ROBO1: variants seen among roughly 807,000 people sequenced by gnomAD.
ROBO1 encodes roundabout guidance receptor 1.
Under a neutral mutation model 195.9 loss-of-function variants are expected in ROBO1, and 149 were observed. The observed-to-expected ratio is 0.76, with a 90% CI of 0.67 to 0.87. The LOEUF (loss-of-function observed/expected upper bound fraction) is 0.87, where lower values mean the gene tolerates loss of function less well. Ranked by LOEUF, ROBO1 falls within the 40% of genes least tolerant of loss-of-function variation. The pLI is 0.00. For missense variants in ROBO1, 1,933 were observed against 2,068.3 expected (o/e 0.93, Z 1.27); for synonymous variants, 816 against 733.2 (o/e 1.11, Z -1.82).
chr3:78,604,065 T>G, intron 29 of ROBO1, among the ~76,000 whole-genome samples: 1 of 151,770 alleles, frequency 6.6e-6, no homozygotes, highest in Admixed American at 6.6e-5. Flanking sequence ...AATATTTATT[T>G]ATTTATTTAT....
intron 2 of ROBO1, among the ~76,000 whole-genome samples, chr3:79,139,695 T>A (rs545349577): frequency 9.2e-5 from 14 of 152,312 alleles, no homozygotes; most frequent in African/African-American, 3.1e-4. Flanking sequence ...TTGAACTTTA[T>A]CTGTGAGAGT....
intron 2 of ROBO1, among the ~76,000 whole-genome samples, chr3:79,269,990 G>A (rs2030372751): frequency 6.6e-6 from 1 of 151,776 alleles, no homozygotes. Flanking sequence ...ATCACTTGCA[G>A]TAAAGATGGT....
At chr3:79,710,610 C>T (rs1359768343) in intron 1 of ROBO1, among the ~76,000 whole-genome samples, 1 of 152,090 alleles carries the variant, frequency 6.6e-6, no homozygotes, top group Admixed American at 6.6e-5. Flanking sequence ...AGGTTTGAGA[C>T]AGCATAATAA....
At chr3:78,748,634 C>T (rs1482125196) in intron 4 of ROBO1, among the ~76,000 whole-genome samples, 1 of 152,002 alleles carries the variant, frequency 6.6e-6, no homozygotes, top group Non-Finnish European at 1.5e-5. Context: ...TCAAAAATCA[C>T]TCTTAAACTT....
chr3:78,943,526 T>C (rs2040254701), intron 3 of ROBO1, among the ~76,000 whole-genome samples: 1 of 152,212 alleles, frequency 6.6e-6, no homozygotes, highest in South Asian at 2.1e-4. Flanking sequence ...AAAGGCTCTA[T>C]GGAATATTCT....
chr3:79,445,973 T>A (rs2039241414), intron 2 of ROBO1, among the ~76,000 whole-genome samples: 1 of 151,900 alleles, frequency 6.6e-6, no homozygotes, highest in Non-Finnish European at 1.5e-5. Flanking sequence ...ATGTTTAAAC[T>A]TTTTCATAGA....
At chr3:78,778,831 T>TGGAG (rs1559846633) in intron 4 of ROBO1, among the ~76,000 whole-genome samples, 1 of 152,168 alleles carries the variant, frequency 6.6e-6, no homozygotes, top group East Asian at 1.9e-4. Flanking sequence ...AGAACAAAGC[T>TGGAG]GGAGGCATCA....
intron 2 of ROBO1, among the ~76,000 whole-genome samples, chr3:79,479,074 CT>C (rs1938692945): frequency 6.6e-6 from 1 of 152,190 alleles, no homozygotes; most frequent in Non-Finnish European, 1.5e-5. Flanking sequence ...TATTATTCCC[CT>C]TTTTAGCATA....
rs772852976 is a variant in ROBO1 at position 78,717,823 on chromosome 3, A to G, written c.718T>C (p.Cys240Arg). The G allele has an allele frequency of 6.2e-7, 1 of 1,613,804 alleles. No individual in the cohort carries two copies. The highest frequency in any genetic ancestry group is 1.3e-5 in the African/African-American group (1 of 75,050). The change falls in exon 6 of 31, where the codon TGT becomes CGT. Residue 240 changes from cysteine (C) to arginine (R), a missense_variant. Physicochemically the swap from Cys to Arg is radical, Grantham distance 180. Transcript: ENST00000464233. ...TCCCCAACCATATTGGTACCAACAC[A>G]AACATATTTGCCAGCGTCACTTTTA... Reference protein sequence around the residue: ...TRKSDAGKYVCVGTNMVGERE... With the variant: ...TRKSDAGKYVRVGTNMVGERE...
At chr3:78,822,092 A>C (rs1362047497) in intron 4 of ROBO1, among the ~76,000 whole-genome samples, 1 of 136,440 alleles carries the variant, frequency 7.3e-6, no homozygotes, top group Non-Finnish European at 1.6e-5. Context: ...ACACATATAC[A>C]TACACACACA....
intron 2 of ROBO1, among the ~76,000 whole-genome samples, chr3:79,299,578 A>G (rs2032781420): frequency 6.6e-6 from 1 of 152,310 alleles, no homozygotes; most frequent in East Asian, 1.9e-4. Context: ...AGATTTGAAA[A>G]TAAAGATATT....
At chr3:78,991,110 A>G (rs1272321665) in intron 3 of ROBO1, among the ~76,000 whole-genome samples, 1 of 152,152 alleles carries the variant, frequency 6.6e-6, no homozygotes, top group African/African-American at 2.4e-5. Flanking sequence ...AGGATTAGCA[A>G]TTGATTAAGG....
At chr3:78,608,243 CTG>C (rs1258951457) in intron 28 of ROBO1, among the ~76,000 whole-genome samples, 1 of 152,056 alleles carries the variant, frequency 6.6e-6, no homozygotes, top group African/African-American at 2.4e-5. Context: ...TCCTGAGAAA[CTG>C]GGACTACATG....
At chr3:78,641,819 G>C (rs1275747225) in intron 21 of ROBO1, among the ~76,000 whole-genome samples, 1 of 152,154 alleles carries the variant, frequency 6.6e-6, no homozygotes, top group Admixed American at 6.6e-5. Flanking sequence ...TGAATGCTTT[G>C]ATATCATCAT....
intron 2 of ROBO1, among the ~76,000 whole-genome samples, chr3:79,209,364 C>G (rs1224870743): frequency 6.6e-6 from 1 of 152,290 alleles, no homozygotes; most frequent in Middle Eastern, 3.4e-3. Flanking sequence ...GTGTATGTAA[C>G]CACATTTTCT....
At chr3:78,660,324 A>G (rs542886386) in intron 16 of ROBO1, 2 of 153,220 alleles carry the variant, frequency 1.3e-5, no homozygotes, top group South Asian at 2.0e-4. Flanking sequence ...ATTTTCCATA[A>G]CCAAAGTTAA....
At chr3:78,627,639 A>G (rs1461757726) in intron 25 of ROBO1, 70 bp from the exon 26 acceptor site, 40 of 1,442,124 alleles carry the variant, frequency 2.8e-5, no homozygotes, top group Non-Finnish European at 3.7e-5. Flanking sequence ...ATAGTAATGA[A>G]ATGTCACCTT....
chr3:79,718,167 T>C (rs1702562244), intron 1 of ROBO1, among the ~76,000 whole-genome samples: 2 of 151,990 alleles, frequency 1.3e-5, no homozygotes, highest in Non-Finnish European at 2.9e-5. Flanking sequence ...AGTCCTAATT[T>C]ATTGAGTGAA....
intron 2 of ROBO1, among the ~76,000 whole-genome samples, chr3:79,298,247 T>C (rs2032701247): frequency 2.6e-5 from 4 of 152,244 alleles, no homozygotes; most frequent in Non-Finnish European, 5.9e-5. Flanking sequence ...GCGGGCATGA[T>C]TGATTGGCAA....
Sources: allele counts gnomAD v4.1 joint callset (sites outside exome capture counted in the v4.1 genomes callset), GRCh38; gene constraint gnomAD v4.1.1; transcripts MANE v1.5; gene names NCBI Gene and HGNC (gene_info 2026-07-23, HGNC 2026-07-21).